KIRREL1: variants seen among roughly 807,000 people sequenced by gnomAD.
KIRREL1 encodes the protein kirre like nephrin family adhesion molecule 1.
KIRREL1 carries 25 observed loss-of-function variants against 83.3 expected under a neutral mutation model. The ratio of observed to expected loss-of-function variants is 0.30; its 90% CI spans 0.22 to 0.42. The LOEUF (loss-of-function observed/expected upper bound fraction) is 0.42. Ranked by LOEUF, KIRREL1 falls within the 10% of genes least tolerant of loss-of-function variation. The pLI is 1.00. For synonymous variants in KIRREL1, 388 were observed against 410.4 expected, an observed-to-expected ratio of 0.95 and a Z score of 0.66; for missense variants, 812 against 1,032.3, an observed-to-expected ratio of 0.79 and a Z score of 2.92.
intron 1 of KIRREL1, among the ~76,000 whole-genome samples, chr1:158,009,654 TCATGG>T (rs1557986760): frequency 6.6e-6 from 1 of 152,200 alleles, no homozygotes; most frequent in Non-Finnish European, 1.5e-5. Context: ...TTGAGAAAAG[TCATGG>T]CAGCCTGTTC....
intron 1 of KIRREL1, among the ~76,000 whole-genome samples, chr1:158,028,451 C>G (rs1225826009): frequency 2.6e-5 from 4 of 152,270 alleles, no homozygotes; most frequent in African/African-American, 9.6e-5. Flanking sequence ...TTTAGTTGTT[C>G]CCAAAGCTGG....
At chr1:158,078,211 C>T in intron 3 of KIRREL1, 71 bp downstream of exon 3, 1 of 1,482,338 alleles carries the variant, frequency 6.7e-7, no homozygotes, top group Non-Finnish European at 9.3e-7. Flanking sequence ...CTCCCACTCT[C>T]CAGTTCCCTC....
intron 1 of KIRREL1, among the ~76,000 whole-genome samples, chr1:157,996,327 A>C (rs1223999336): frequency 6.6e-6 from 1 of 152,042 alleles, no homozygotes; most frequent in African/African-American, 2.4e-5. Flanking sequence ...GAAAATTGAA[A>C]TATTTATTCA....
At chr1:158,088,516 G>C in intron 8 of KIRREL1, 62 bp downstream of exon 8, 2 of 1,352,526 alleles carry the variant, frequency 1.5e-6, no homozygotes, top group East Asian at 2.6e-5. Flanking sequence ...ACGGAGTCTC[G>C]CTCTGTCGCC....
intron 13 of KIRREL1, 92 bp downstream of exon 13, chr1:158,093,854 C>T (rs1662276981): frequency 2.1e-6 from 3 of 1,398,914 alleles, no homozygotes; most frequent in Admixed American, 1.8e-5. Context: ...GTCATTCTCT[C>T]CTTCCTCAGT....
At chr1:158,044,136 A>G (rs1660712556) in intron 1 of KIRREL1, among the ~76,000 whole-genome samples, 1 of 152,152 alleles carries the variant, frequency 6.6e-6, no homozygotes, top group Non-Finnish European at 1.5e-5. Flanking sequence ...GCAGCTGGAC[A>G]TGGCCCCTGC....
intron 3 of KIRREL1, among the ~76,000 whole-genome samples, chr1:158,079,597 A>C (rs1661785650): frequency 6.6e-6 from 1 of 152,256 alleles, no homozygotes; most frequent in Non-Finnish European, 1.5e-5. Flanking sequence ...CTGGGATTAC[A>C]GGCATGGGCC....
intron 1 of KIRREL1, among the ~76,000 whole-genome samples, chr1:158,013,186 A>C (rs998096287): frequency 2.0e-5 from 3 of 152,072 alleles, no homozygotes; most frequent in African/African-American, 7.2e-5. Context: ...TTAGAGAGAG[A>C]GGTTTATGTT....
At chr1:158,041,825 G>A (rs1300041865) in intron 1 of KIRREL1, among the ~76,000 whole-genome samples, 1 of 152,196 alleles carries the variant, frequency 6.6e-6, no homozygotes, top group African/African-American at 2.4e-5. Flanking sequence ...CTGATGCTAG[G>A]ACATTAACTT....
intron 1 of KIRREL1, among the ~76,000 whole-genome samples, chr1:158,070,114 A>C (rs760910979): frequency 7.2e-5 from 11 of 152,194 alleles, no homozygotes; most frequent in Non-Finnish European, 1.2e-4. Flanking sequence ...GCCAGCCCAG[A>C]GCTGAAGAGT....
intron 1 of KIRREL1, among the ~76,000 whole-genome samples, chr1:158,031,616 A>G (rs376969114): frequency 7.2e-5 from 11 of 152,228 alleles, no homozygotes; most frequent in Non-Finnish European, 1.6e-4. Flanking sequence ...GCTGTGTCCA[A>G]ATGGCTGGGC....
intron 1 of KIRREL1, among the ~76,000 whole-genome samples, chr1:158,009,781 T>C (rs532465248): frequency 6.6e-6 from 1 of 152,366 alleles, no homozygotes; most frequent in East Asian, 1.9e-4. Context: ...CTCTGCCGCC[T>C]GCCAGACCTC....
intron 1 of KIRREL1, among the ~76,000 whole-genome samples, chr1:158,012,420 G>C (rs148831851): frequency 6.6e-6 from 1 of 152,270 alleles, no homozygotes; most frequent in East Asian, 1.9e-4. Flanking sequence ...AGTGGCATCT[G>C]CTTCATGGAA....
At chr1:158,092,895 C>G (rs939015969) in intron 11 of KIRREL1, among the ~76,000 whole-genome samples, 2 of 152,192 alleles carry the variant, frequency 1.3e-5, no homozygotes, top group African/African-American at 4.8e-5. Context: ...GATAGGTGAA[C>G]ATTCGGCAGT....
At chr1:158,001,099 G>A (rs543708903) in intron 1 of KIRREL1, among the ~76,000 whole-genome samples, 2 of 152,290 alleles carry the variant, frequency 1.3e-5, no homozygotes, top group East Asian at 1.9e-4. Context: ...CTTCAGAATC[G>A]ACTAGGCCAT....
intron 1 of KIRREL1, among the ~76,000 whole-genome samples, chr1:157,997,434 C>T (rs991611725): frequency 4.0e-5 from 6 of 151,812 alleles, no homozygotes; most frequent in South Asian, 2.1e-4. Context: ...AAGTTGTCTG[C>T]GCTTCCTTTT....
intron 1 of KIRREL1, among the ~76,000 whole-genome samples, chr1:158,020,239 C>T (rs975202891): frequency 7.2e-5 from 11 of 152,052 alleles, no homozygotes; most frequent in Non-Finnish European, 1.5e-4. Context: ...ATAGCCCATA[C>T]ATTTTCTCAC....
intron 1 of KIRREL1, among the ~76,000 whole-genome samples, chr1:158,022,471 C>T (rs1219398685): frequency 6.6e-6 from 1 of 152,166 alleles, no homozygotes; most frequent in Non-Finnish European, 1.5e-5. Context: ...ACTAGAAGCC[C>T]TGATTCCTTA....
Position 158,097,538 on chromosome 1 carries a change from C to T in KIRREL1, c.*2418C>T, listed in dbSNP as rs1662386294. 1 of 165,018 alleles carries T rather than the reference C, an allele frequency of 6.1e-6. No homozygotes were observed. Among genetic ancestry groups the T allele is most frequent in the Non-Finnish European group, 1.3e-5 (1 of 76,898 alleles). The allele number at this position is 165,018 out of a possible 1,614,324, so 10.2% of individuals were successfully genotyped here. A position where few individuals can be genotyped will look rare whatever the true frequency, so the allele number is the denominator to read the frequency against. ...TACTTCACTGTCCTCTACTCCTTAACAAGGTAACTGGAGCCTCTTGGGTGT... is the reference window on the plus strand; with the variant it reads ...TACTTCACTGTCCTCTACTCCTTAATAAGGTAACTGGAGCCTCTTGGGTGT... On this transcript the variant is annotated 3_prime_UTR_variant, in exon 15 of 15. Transcript: ENST00000359209.
Sources: allele counts gnomAD v4.1 joint callset (sites outside exome capture counted in the v4.1 genomes callset), GRCh38; gene constraint gnomAD v4.1.1; transcripts MANE v1.5; gene names NCBI Gene and HGNC (gene_info 2026-07-23, HGNC 2026-07-21).